KLF12: variants seen among roughly 807,000 people sequenced by gnomAD.
KLF12 encodes Krueppel-like factor 12.
KLF12 carries 9 observed loss-of-function variants against 37.8 expected under a neutral mutation model. The observed-to-expected ratio is 0.24, with a 90% confidence interval of 0.14 to 0.42. KLF12 has a LOEUF of 0.42. Ranked by LOEUF, KLF12 falls within the 10% of genes least tolerant of loss-of-function variation. The pLI is 1.00. For missense variants in KLF12, 411 were observed against 516.0 expected, an observed-to-expected ratio of 0.80 and a Z score of 1.97; for synonymous variants, 208 against 202.1, an observed-to-expected ratio of 1.03 and a Z score of -0.25.
At chr13:74,221,130 G>T in the KLF12 span, among the ~76,000 whole-genome samples, 1 of 151,778 alleles carries the variant, frequency 6.6e-6, no homozygotes, top group Non-Finnish European at 1.5e-5. Context: ...TCAGCCTGCG[G>T]AGTAGCTGGG....
At chr13:73,875,815 A>AC (rs1886678512) in intron 3 of KLF12, among the ~76,000 whole-genome samples, 1 of 152,208 alleles carries the variant, frequency 6.6e-6, no homozygotes, top group South Asian at 2.1e-4. Context: ...GTCCTGATAA[A>AC]CTAGTAAAAC....
rs1055602933 is a variant in KLF12, at chr13:73,693,505, C to T, written c.*1985G>A. On this transcript the variant is annotated 3_prime_UTR_variant, in exon 8 of 8. Transcript: ENST00000377669. ...TGACCTGAAAATCATTACACTGTTG[C>T]TTAATGTTTTAAAAAATTCCTTTTG... 8 of 152,156 alleles carry T rather than the reference C, an allele frequency of 5.3e-5. No individual in the cohort carries two copies. Among genetic ancestry groups the T allele is most frequent in the Non-Finnish European group, 8.8e-5 (6 of 68,026 alleles). 9.4% of individuals were successfully genotyped at this position (152,156 alleles called of 1,614,324 possible).
intron 5 of KLF12, among the ~76,000 whole-genome samples, chr13:73,810,541 T>A (rs959821944): frequency 6.6e-6 from 1 of 152,062 alleles, no homozygotes; most frequent in Non-Finnish European, 1.5e-5. Flanking sequence ...GTGCTGGGAT[T>A]ACAGGTGTGA....
chr13:73,717,149 TTA>T (rs1444650525), intron 6 of KLF12, among the ~76,000 whole-genome samples: 1 of 152,196 alleles, frequency 6.6e-6, no homozygotes, highest in Non-Finnish European at 1.5e-5. Context: ...ATGAATGTCG[TTA>T]TGTTCCAATG....
chr13:73,804,266 T>C (rs1484051449), intron 5 of KLF12, among the ~76,000 whole-genome samples: 1 of 152,234 alleles, frequency 6.6e-6, no homozygotes, highest in African/African-American at 2.4e-5. Flanking sequence ...AAAGTTTGAC[T>C]CTGAGCTCCT....
chr13:73,877,190 A>G (rs1001575178), intron 3 of KLF12, among the ~76,000 whole-genome samples: 1 of 152,182 alleles, frequency 6.6e-6, no homozygotes, highest in Non-Finnish European at 1.5e-5. Context: ...ATTAGAAACT[A>G]ACTCCCAATG....
At chr13:74,049,573 A>G (rs915825221) in intron 1 of KLF12, among the ~76,000 whole-genome samples, 1 of 152,234 alleles carries the variant, frequency 6.6e-6, no homozygotes, top group African/African-American at 2.4e-5. Context: ...GTTCTTAGAA[A>G]TTAAAAATAT....
the KLF12 span, among the ~76,000 whole-genome samples, chr13:74,204,843 G>C: frequency 2.6e-5 from 4 of 152,068 alleles, no homozygotes; most frequent in Non-Finnish European, 4.4e-5. Context: ...CTATTATACC[G>C]AGGGTTGTAT....
At chr13:74,229,580 C>T in the KLF12 span, among the ~76,000 whole-genome samples, 1 of 152,138 alleles carries the variant, frequency 6.6e-6, no homozygotes. Flanking sequence ...ATGAGATAGT[C>T]TTAATTAAAG....
chr13:73,890,785 T>C (rs546799203), intron 3 of KLF12, among the ~76,000 whole-genome samples: 13 of 152,214 alleles, frequency 8.5e-5, no homozygotes, highest in African/African-American at 2.6e-4. Flanking sequence ...TTTAACCCTA[T>C]AAGGAAAGTA....
chr13:74,112,388 CTG>C (rs57629780), intron 1 of KLF12, among the ~76,000 whole-genome samples: 5 of 143,412 alleles, frequency 3.5e-5, no homozygotes, highest in African/African-American at 1.4e-4. Flanking sequence ...CAGATATTGT[CTG>C]TGTGTGTGTG....
At chr13:73,952,762 T>G (rs1890691818) in intron 2 of KLF12, among the ~76,000 whole-genome samples, 1 of 152,168 alleles carries the variant, frequency 6.6e-6, no homozygotes, top group Admixed American at 6.5e-5. Flanking sequence ...GAAGGCTTAT[T>G]AAGCAAAAGC....
the KLF12 span, among the ~76,000 whole-genome samples, chr13:74,283,180 G>A: frequency 6.6e-6 from 1 of 152,182 alleles, no homozygotes; most frequent in African/African-American, 2.4e-5. Flanking sequence ...TCTTTTCTGA[G>A]CAAATCATCT....
At chr13:74,167,132 C>T in the KLF12 span, among the ~76,000 whole-genome samples, 10 of 152,222 alleles carry the variant, frequency 6.6e-5, no homozygotes, top group African/African-American at 2.4e-4. Flanking sequence ...CACTTTGACT[C>T]TGTATCTTGT....
chr13:73,999,385 C>A (rs914536087), intron 1 of KLF12, among the ~76,000 whole-genome samples: 9 of 152,164 alleles, frequency 5.9e-5, no homozygotes, highest in African/African-American at 2.2e-4. Context: ...ATTTCCTGGA[C>A]ATATTTTATA....
At chr13:73,947,700 C>T (rs55711623) in intron 2 of KLF12, among the ~76,000 whole-genome samples, 1,710 of 148,484 alleles carry the variant, frequency 0.012, 37 homozygotes, top group African/African-American at 0.04. Flanking sequence ...AGCTGACATT[C>T]GCTCTCCCTG....
chr13:74,245,214 G>T, the KLF12 span, among the ~76,000 whole-genome samples: 1 of 152,118 alleles, frequency 6.6e-6, no homozygotes, highest in Non-Finnish European at 1.5e-5. Context: ...GAACATGAAC[G>T]TTTGTGATGA....
intron 3 of KLF12, among the ~76,000 whole-genome samples, chr13:73,856,987 CA>C (rs1164139461): frequency 4.0e-5 from 6 of 151,414 alleles, no homozygotes; most frequent in African/African-American, 1.5e-4. Context: ...AACCCTGTCT[CA>C]AAAAATAAAA....
chr13:74,185,861 C>T, the KLF12 span, among the ~76,000 whole-genome samples: 2 of 152,124 alleles, frequency 1.3e-5, no homozygotes, highest in Non-Finnish European at 2.9e-5. Flanking sequence ...CCAGGCTGGT[C>T]TTGAACTCCT....
Sources: allele counts gnomAD v4.1 joint callset (sites outside exome capture counted in the v4.1 genomes callset), GRCh38; gene constraint gnomAD v4.1.1; transcripts MANE v1.5; gene names NCBI Gene and HGNC (gene_info 2026-07-23, HGNC 2026-07-21).